The following NT5DC3 variants were observed in gnomAD, a reference collection of about 807,000 sequenced individuals.
NT5DC3 encodes the protein 5'-nucleotidase domain-containing protein 3.
NT5DC3 carries 42 observed loss-of-function variants against 67.8 expected under a neutral mutation model. The observed-to-expected ratio is 0.62, with a 90% CI of 0.48 to 0.80. NT5DC3 has a LOEUF of 0.80. NT5DC3 is among the 30% of genes least tolerant of loss of function. NT5DC3 has a pLI of 0.00. For synonymous variants in NT5DC3, 237 were observed against 255.6 expected (o/e 0.93, Z 0.69); for missense variants, 570 against 696.4 (o/e 0.82, Z 2.04).
At chr12:103,824,160 T>C (rs557416216) in intron 1 of NT5DC3, among the ~76,000 whole-genome samples, 1 of 152,340 alleles carries the variant, frequency 6.6e-6, no homozygotes, top group East Asian at 1.9e-4. Context: ...AATAATTCAT[T>C]ACAGTAAAGG....
the NT5DC3 span, chr12:103,761,527 G>A: frequency 2.4e-6 from 2 of 847,408 alleles, no homozygotes; most frequent in Non-Finnish European, 3.7e-6. Context: ...GACTGGAGGA[G>A]CCTCCAGCCT....
At chr12:103,778,122 C>A in intron 13 of NT5DC3, 41 bp from the exon 14 acceptor site, 9 of 1,522,870 alleles carry the variant, frequency 5.9e-6, no homozygotes, top group South Asian at 3.9e-5. Context: ...GAGAATGATT[C>A]AAAAATCCTT....
intron 1 of NT5DC3, among the ~76,000 whole-genome samples, chr12:103,815,510 C>T (rs1407933217): frequency 2.0e-5 from 3 of 152,202 alleles, no homozygotes; most frequent in African/African-American, 7.2e-5. Context: ...CAGCCTCAAT[C>T]TCTAGGGCTC....
At chr12:103,748,504 T>C in the NT5DC3 span, among the ~76,000 whole-genome samples, 1 of 152,184 alleles carries the variant, frequency 6.6e-6, no homozygotes, top group East Asian at 1.9e-4. Flanking sequence ...TCAGTTAAGC[T>C]GAGTCTCAGT....
chr12:103,835,432 A>T (rs961647922), intron 1 of NT5DC3, among the ~76,000 whole-genome samples: 1 of 152,186 alleles, frequency 6.6e-6, no homozygotes, highest in African/African-American at 2.4e-5. Flanking sequence ...TCAAACACTT[A>T]AAAAGACTTG....
chr12:103,808,124 A>G (rs1886879626), intron 2 of NT5DC3, among the ~76,000 whole-genome samples: 1 of 152,140 alleles, frequency 6.6e-6, no homozygotes, highest in Admixed American at 6.5e-5. Flanking sequence ...AAATCTCAGA[A>G]TTAGGACACA....
chr12:103,805,187 G>C (rs1593411136), intron 4 of NT5DC3, among the ~76,000 whole-genome samples: 1 of 152,170 alleles, frequency 6.6e-6, no homozygotes, highest in African/African-American at 2.4e-5. Context: ...GGGAGGAGGT[G>C]CCAGAAAGCT....
At chr12:103,769,117 A>AAC (rs959857776), downstream of NT5DC3, among the ~76,000 whole-genome samples, 74 of 152,146 alleles carry the variant, frequency 4.9e-4, no homozygotes, top group Middle Eastern at 3.4e-3. Flanking sequence ...CCTTCCCCCC[A>AAC]ACACACACAC....
chr12:103,791,713 C>CGA (rs1219866378), intron 9 of NT5DC3, among the ~76,000 whole-genome samples: 1 of 152,188 alleles, frequency 6.6e-6, no homozygotes, highest in African/African-American at 2.4e-5. Flanking sequence ...CAGCAGGAGG[C>CGA]GAGCGTCCAG....
chr12:103,770,225 A>G (rs1291817829), downstream of NT5DC3, among the ~76,000 whole-genome samples: 1 of 152,266 alleles, frequency 6.6e-6, no homozygotes, highest in African/African-American at 2.4e-5. Context: ...AAAGCTATAC[A>G]TGTAAACCTG....
At chr12:103,816,748 T>A (rs1402474305) in intron 1 of NT5DC3, among the ~76,000 whole-genome samples, 1 of 152,190 alleles carries the variant, frequency 6.6e-6, no homozygotes, top group Non-Finnish European at 1.5e-5. Flanking sequence ...TTAGAATTAT[T>A]TCATCATTAC....
chr12:103,794,691 C>A (rs939168723), intron 6 of NT5DC3, among the ~76,000 whole-genome samples: 14 of 152,220 alleles, frequency 9.2e-5, no homozygotes, highest in African/African-American at 3.4e-4. Context: ...TGTCCCTAGA[C>A]CCCAACGGCA....
intron 10 of NT5DC3, among the ~76,000 whole-genome samples, chr12:103,788,382 G>T (rs1001735191): frequency 6.6e-6 from 1 of 152,226 alleles, no homozygotes; most frequent in African/African-American, 2.4e-5. Context: ...GGAGGTTGAG[G>T]CTATAGTGAA....
chr12:103,790,167 C>G (rs2139330010), intron 9 of NT5DC3, among the ~76,000 whole-genome samples: 1 of 152,232 alleles, frequency 6.6e-6, no homozygotes, highest in African/African-American at 2.4e-5. Flanking sequence ...TGCAATGGCA[C>G]AATCGCGGCT....
At chr12:103,829,897 A>G (rs1420801661) in intron 1 of NT5DC3, among the ~76,000 whole-genome samples, 2 of 151,424 alleles carry the variant, frequency 1.3e-5, no homozygotes, top group Non-Finnish European at 2.9e-5. Flanking sequence ...AAAAAAAAAA[A>G]GGTCTCTTTA....
chr12:103,761,466 C>T, the NT5DC3 span: 1 of 1,482,012 alleles, frequency 6.7e-7, no homozygotes, highest in Non-Finnish European at 9.4e-7. Flanking sequence ...GCCCACTCAC[C>T]AACAGGCAAA....
chr12:103,766,574 C>CACCTGCTCCATTCTGCCCT (rs1884980724), downstream of NT5DC3: 4 of 505,096 alleles, frequency 7.9e-6, no homozygotes, highest in African/African-American at 1.9e-5. Flanking sequence ...CTTCAGCTGG[C>CACCTGCTCCATTCTGCCCT]ACCTGCTCCA....
chr12:103,817,532 C>G (rs944648117), intron 1 of NT5DC3, among the ~76,000 whole-genome samples: 4 of 152,190 alleles, frequency 2.6e-5, no homozygotes, highest in Admixed American at 2.0e-4. Flanking sequence ...CCACCTGACT[C>G]TATTATAACA....
intron 2 of NT5DC3, among the ~76,000 whole-genome samples, chr12:103,810,075 T>C (rs1048476447): frequency 1.3e-5 from 2 of 152,182 alleles, no homozygotes; most frequent in African/African-American, 4.8e-5. Context: ...ACATGGGAAG[T>C]GCTCAATAAA....
Sources: gnomAD v4.1 joint callset for allele counts (sites outside exome capture counted in the v4.1 genomes callset) on GRCh38, gnomAD v4.1.1 for gene constraint, MANE v1.5 for transcripts, NCBI Gene and HGNC (gene_info 2026-07-23, HGNC 2026-07-21) for gene names.